The following EPPIN variants were observed in gnomAD, a reference collection of about 807,000 sequenced individuals.
The protein encoded by EPPIN is WAP four-disulfide core domain protein 7.
A neutral mutation model predicts 18.8 loss-of-function variants in EPPIN; 14 were observed. The observed-to-expected ratio is 0.75, with a 90% confidence interval of 0.49 to 1.17. The LOEUF (loss-of-function observed/expected upper bound fraction) is 1.17. Among genes scored for constraint, EPPIN ranks in the 50% most tolerant of loss-of-function variants. EPPIN has a pLI of 0.00. For missense variants in EPPIN, 143 were observed against 154.2 expected, an observed-to-expected ratio of 0.93 and a Z score of 0.39; for synonymous variants, 57 against 54.8, an observed-to-expected ratio of 1.04 and a Z score of -0.18.
At chr20:45,542,630 G>T in intron 3 of EPPIN, 70 bp downstream of exon 3, 2 of 1,560,566 alleles carry the variant, frequency 1.3e-6, no homozygotes, top group South Asian at 2.5e-5. Context: ...TCCTGGAATG[G>T]ACCAGCCAAC....
chr20:45,543,484 T>G (rs1474881977), intron 2 of EPPIN: 1 of 152,206 alleles, frequency 6.6e-6, no homozygotes, highest in Non-Finnish European at 1.5e-5. Flanking sequence ...ACAGTTCCAT[T>G]TGGGTAAATC....
At chr20:45,542,505 C>T (rs1979638156) in intron 3 of EPPIN, 195 bp downstream of exon 3, 2 of 787,666 alleles carry the variant, frequency 2.5e-6, no homozygotes, top group Non-Finnish European at 4.0e-6. Context: ...CATCCCTTCT[C>T]ATCCTCAGTT....
In EPPIN at chr20:45,542,047, G is replaced by C; in HGVS notation, c.*97C>G. 4 of 1,512,364 alleles carry C rather than the reference G, an allele frequency of 2.6e-6. No homozygotes were observed. Among genetic ancestry groups the C allele is most frequent in the Non-Finnish European group, 3.6e-6 (4 of 1,105,762 alleles). 93.7% of individuals were successfully genotyped at this position (1,512,364 alleles called of 1,614,324 possible). On this transcript the variant is annotated 3_prime_UTR_variant, in exon 4 of 4. Coordinates refer to ENST00000354280, the MANE Select transcript of EPPIN (RefSeq NM_020398.4). ...GCTAAGATCTTGGAATGCTGAGAGT[G>C]AAACTGGAAGCCAGTCTGGAGCATC...
In EPPIN at chr20:45,546,078, A is replaced by C. The variant is rs1979819813; in HGVS notation, c.92-308T>G. The C allele has an allele frequency of 1.3e-5, 6 of 461,606 alleles. No homozygotes were observed. In the South Asian group the frequency reaches 3.6e-4, roughly 28 times the overall value. 28.6% of individuals were successfully genotyped at this position (461,606 alleles called of 1,614,324 possible). On this transcript the variant is annotated intron_variant, in intron 1 of 3. Coordinates refer to ENST00000354280, the MANE Select transcript of EPPIN (RefSeq NM_020398.4). ...GGGGGGCTGAACTGGGGATTGTAGGATGTTTAGCAGCATCCCAGGCCTCTT... is the reference window on the plus strand; with the variant it reads ...GGGGGGCTGAACTGGGGATTGTAGGCTGTTTAGCAGCATCCCAGGCCTCTT...
chr20:45,545,834 G>T (rs1979806624), intron 1 of EPPIN, 64 bp from the exon 2 acceptor site: 25 of 1,589,582 alleles, frequency 1.6e-5, no homozygotes, highest in Non-Finnish European at 2.0e-5. Flanking sequence ...CACTTTGCCA[G>T]ACACAAGGCA....
rs185156322 is a variant in EPPIN at position 45,545,933 on chromosome 20, C to T, written c.92-163G>A. The T allele has an allele frequency of 2.0e-3, 2,123 of 1,054,472 alleles. 5 individuals are homozygous for T. Among genetic ancestry groups the T allele is most frequent in the Non-Finnish European group, 2.1e-3 (1,538 of 739,796 alleles). 65.3% of individuals were successfully genotyped at this position (1,054,472 alleles called of 1,614,324 possible). A position where few individuals can be genotyped will look rare whatever the true frequency, so the allele number is the denominator to read the frequency against. On this transcript the variant is annotated intron_variant, in intron 1 of 3. Transcript: ENST00000354280. Reference sequence around the variant, plus strand: ...GCAGCCTCACTCATTTCCCTACTGCCTACACCCCCACCACTCCCCAGTGAC... The same window carrying T: ...GCAGCCTCACTCATTTCCCTACTGCTTACACCCCCACCACTCCCCAGTGAC...
rs1327000936 is a variant in EPPIN at position 45,542,832 on chromosome 20, G to T, written c.259C>A (p.Leu87Met). Residue 87 changes from leucine to methionine, a missense_variant, in exon 3 of 4, where the codon CTG becomes ATG. Coordinates refer to ENST00000354280, the MANE Select transcript of EPPIN (RefSeq NM_020398.4). ...CEMPKETGPC[L>M]AYFLHWWYDK... ...TACCACCAATGAAGAAAATAAGCCAGGCAGGGGCCAGTTTCTTTTGGCATT... is the reference window on the plus strand; with the variant it reads ...TACCACCAATGAAGAAAATAAGCCATGCAGGGGCCAGTTTCTTTTGGCATT... The T allele has an allele frequency of 1.9e-6, 3 of 1,613,654 alleles. No individual in the cohort carries two copies. Among genetic ancestry groups the T allele is most frequent in the Non-Finnish European group, 2.5e-6 (3 of 1,179,796 alleles).
chr20:45,542,716 G>A lies in EPPIN; in HGVS notation c.375C>T (p.Asn125=). 1.2e-6 allele frequency: 2 copies of A among 1,613,864 alleles called. No individual in the cohort carries two copies. Among genetic ancestry groups the A allele is most frequent in the Non-Finnish European group, 1.7e-6 (2 of 1,179,812 alleles). Residue 125 remains asparagine (N), a synonymous_variant, in exon 3 of 4, where the codon AAC becomes AAT. Transcript: ENST00000354280. The stretch of plus-strand genomic sequence containing the variant: ...AGGACTTACGTTTATTCTTGCAGGT[G>A]TTCAGGCAGTTGGCTTTGGATTGGA... ...NNFQSKANCL[N]TCKNKRFP
intron 1 of EPPIN, among the ~76,000 whole-genome samples, chr20:45,546,959 A>G (rs1385207281): frequency 6.6e-6 from 1 of 152,084 alleles, no homozygotes. Flanking sequence ...GGTAAGGAGA[A>G]GGTCCCTTGG....
chr20:45,546,930 G>C (rs1372540983), intron 1 of EPPIN, among the ~76,000 whole-genome samples: 1 of 152,122 alleles, frequency 6.6e-6, no homozygotes, highest in Non-Finnish European at 1.5e-5. Flanking sequence ...CTCAAGGAAG[G>C]GGCCTGTTTT....
rs1979617107 is a variant in EPPIN at position 45,542,088 on chromosome 20, C to T, written c.*56G>A. The T allele has an allele frequency of 5.6e-6, 9 of 1,609,460 alleles. No individual in the cohort carries two copies. Among genetic ancestry groups the T allele is most frequent in the African/African-American group, 1.3e-5 (1 of 74,784 alleles). On this transcript the variant is annotated 3_prime_UTR_variant, in exon 4 of 4. Transcript: ENST00000354280. ...CTGGAGCATCCGTCAGGTACAGGAA[C>T]AGTACTCAGAGCATGAGCCACATTC... is the stretch of plus-strand genomic sequence containing the variant.
In EPPIN at chr20:45,540,998, G is replaced by C. The variant is rs1979562543; in HGVS notation, c.*1146C>G. 6.6e-6 allele frequency: 1 copy of C among 152,142 alleles called. No homozygotes were observed. 9.4% of individuals were successfully genotyped at this position (152,142 alleles called of 1,614,324 possible). On this transcript the variant is annotated 3_prime_UTR_variant, in exon 4 of 4. Coordinates refer to ENST00000354280, the MANE Select transcript of EPPIN (RefSeq NM_020398.4). Reference sequence around the variant, plus strand: ...GTTCACTGCAGCACTATTTACAATAGCAAAAACATGGAATCAAACCAAATA... The same window carrying C: ...GTTCACTGCAGCACTATTTACAATACCAAAAACATGGAATCAAACCAAATA...
Position 45,545,623 on chromosome 20 carries a change from C to T in EPPIN, c.223+16G>A, listed in dbSNP as rs189767346. Reference sequence around the variant, plus strand: ...GGGGGAGGAGGGGTTGGTTATTCTGCAGCTCTGAATATTACCTTGTTTGAG... The same window carrying T: ...GGGGGAGGAGGGGTTGGTTATTCTGTAGCTCTGAATATTACCTTGTTTGAG... On this transcript the variant is annotated intron_variant, in intron 2 of 3. Transcript: ENST00000354280. 7 of 1,613,798 alleles carry T rather than the reference C, an allele frequency of 4.3e-6. No individual in the cohort carries two copies. The African/African-American group carries it at 9.3e-5, about 22-fold the overall frequency.
intron 1 of EPPIN, chr20:45,546,080 G>C: frequency 2.2e-6 from 1 of 456,586 alleles, no homozygotes. Context: ...ATTGTAGGAT[G>C]TTTAGCAGCA....
At position 45,542,851 on chromosome 20, in the gene EPPIN, T is replaced by C; in HGVS notation, c.240A>G (p.Pro80=). Residue 80 remains proline, a synonymous_variant, in exon 3 of 4, where the codon CCA becomes CCG. Coordinates refer to ENST00000354280, the MANE Select transcript of EPPIN (RefSeq NM_020398.4). ...AAGCCAGGCAGGGGCCAGTTTCTTT[T>C]GGCATTTCGCATACATCTGCAGAGA... The part of the protein sequence containing the change: ...LDLKQDVCEM[P]KETGPCLAYF... 8 of 1,613,326 alleles carry C rather than the reference T, an allele frequency of 5.0e-6. No homozygotes were observed. Among genetic ancestry groups the C allele is most frequent in the Non-Finnish European group, 6.8e-6 (8 of 1,179,622 alleles).
At chr20:45,543,047 G>C in intron 2 of EPPIN, 180 bp from the exon 3 acceptor site, 1 of 982,814 alleles carries the variant, frequency 1.0e-6, no homozygotes. Context: ...CCCCAGAGTG[G>C]GCATCTGCAT....
In EPPIN at chr20:45,542,836, G is replaced by A. The variant is rs542398035; in HGVS notation, c.255C>T (p.Pro85=). 5.0e-6 allele frequency: 8 copies of A among 1,613,734 alleles called. No individual in the cohort carries two copies. The African/African-American group carries it at 6.7e-5, about 13-fold the overall frequency. ...DVCEMPKETG[P]CLAYFLHWWY... ...ACCAATGAAGAAAATAAGCCAGGCAGGGGCCAGTTTCTTTTGGCATTTCGC... is the reference window on the plus strand; with the variant it reads ...ACCAATGAAGAAAATAAGCCAGGCAAGGGCCAGTTTCTTTTGGCATTTCGC... Residue 85 remains proline (P), a synonymous_variant, in exon 3 of 4, where the codon CCC becomes CCT. Transcript: ENST00000354280.
At chr20:45,544,067 T>C (rs1979720176) in intron 2 of EPPIN, 1 of 152,272 alleles carries the variant, frequency 6.6e-6, no homozygotes, top group Non-Finnish European at 1.5e-5. Flanking sequence ...GAGTTTCTAG[T>C]GAGCAGGGAG....
At chr20:45,542,209 G>A (rs1281838076) in intron 3 of EPPIN, 55 bp from the exon 4 acceptor site, 31 of 1,607,608 alleles carry the variant, frequency 1.9e-5, no homozygotes, top group Admixed American at 5.1e-5. Context: ...GCTCATCTTT[G>A]GAGCTTGAAG....
Sources: allele counts gnomAD v4.1 joint callset (sites outside exome capture counted in the v4.1 genomes callset), GRCh38; gene constraint gnomAD v4.1.1; transcripts MANE v1.5; gene names NCBI Gene and HGNC (gene_info 2026-07-23, HGNC 2026-07-21).